GRK5: variants seen among roughly 807,000 people sequenced by gnomAD.
The protein encoded by GRK5 is G protein-coupled receptor kinase 5, also known as g protein-coupled receptor kinase GRK5.
A neutral mutation model predicts 78.4 loss-of-function variants in GRK5; 40 were observed. The observed-to-expected ratio is 0.51, with a 90% confidence interval of 0.40 to 0.66. GRK5 has a LOEUF of 0.66. Among genes scored for constraint, GRK5 ranks in the 30% least tolerant of loss-of-function variants. The pLI is 0.00. For missense variants in GRK5, 598 were observed against 759.9 expected (o/e 0.79, Z 2.50); for synonymous variants, 289 against 296.8 (o/e 0.97, Z 0.27).
chr10:119,385,736 G>T (rs1490690605), intron 3 of GRK5, among the ~76,000 whole-genome samples: 1 of 152,164 alleles, frequency 6.6e-6, no homozygotes, highest in African/African-American at 2.4e-5. Flanking sequence ...ACCTTGTGGG[G>T]AAAATCAAGA....
intron 1 of GRK5, among the ~76,000 whole-genome samples, chr10:119,287,973 C>T (rs1186223285): frequency 6.6e-6 from 1 of 152,226 alleles, no homozygotes; most frequent in South Asian, 2.1e-4. Context: ...TGGGTTCATC[C>T]TAACCCTTTG....
At chr10:119,365,545 C>T (rs190061714) in intron 2 of GRK5, among the ~76,000 whole-genome samples, 3 of 152,124 alleles carry the variant, frequency 2.0e-5, no homozygotes, top group Admixed American at 2.0e-4. Context: ...TGGGACCCTT[C>T]GGTGAGGGTC....
chr10:119,228,377 G>GC (rs755748259), intron 1 of GRK5, among the ~76,000 whole-genome samples: 27 of 143,776 alleles, frequency 1.9e-4, no homozygotes, highest in South Asian at 6.7e-4. Context: ...AAACCAACCC[G>GC]CCCCCCCGCA....
At chr10:119,343,546 G>T (rs780701757) in intron 2 of GRK5, among the ~76,000 whole-genome samples, 1 of 152,248 alleles carries the variant, frequency 6.6e-6, no homozygotes, top group Non-Finnish European at 1.5e-5. Context: ...CTGAGTCGAG[G>T]CCATGCTGGC....
intron 2 of GRK5, among the ~76,000 whole-genome samples, chr10:119,329,598 C>T (rs973995954): frequency 7.9e-5 from 12 of 152,168 alleles, no homozygotes; most frequent in East Asian, 1.9e-4. Context: ...GGCGTGGTGG[C>T]GCATGCCTGT....
intron 2 of GRK5, among the ~76,000 whole-genome samples, chr10:119,350,829 T>A (rs1329263686): frequency 1.3e-5 from 2 of 152,220 alleles, no homozygotes; most frequent in Non-Finnish European, 2.9e-5. Context: ...TGATAGAACA[T>A]GCACGCAGCA....
At chr10:119,300,299 G>T (rs931996794) in intron 1 of GRK5, among the ~76,000 whole-genome samples, 4 of 152,108 alleles carry the variant, frequency 2.6e-5, no homozygotes, top group Non-Finnish European at 5.9e-5. Flanking sequence ...TGCAAAATTG[G>T]GTTTATTTGC....
intron 1 of GRK5, among the ~76,000 whole-genome samples, chr10:119,221,436 A>G (rs1407434050): frequency 6.6e-6 from 1 of 152,222 alleles, no homozygotes; most frequent in African/African-American, 2.4e-5. Flanking sequence ...GGTGTCAGGA[A>G]AAATTGTGAA....
intron 1 of GRK5, 141 bp from the exon 2 acceptor site, chr10:119,326,375 C>G (rs1438377403): frequency 3.0e-6 from 2 of 668,338 alleles, no homozygotes; most frequent in Admixed American, 2.2e-5. Context: ...TTGTGTGTGT[C>G]TTGGGCTGGG....
intron 1 of GRK5, among the ~76,000 whole-genome samples, chr10:119,275,314 A>G (rs1849650245): frequency 6.6e-6 from 1 of 152,136 alleles, no homozygotes; most frequent in Non-Finnish European, 1.5e-5. Flanking sequence ...TAGAAATGGG[A>G]TCAGGTCTCC....
chr10:119,233,049 C>T (rs1461643857), intron 1 of GRK5, among the ~76,000 whole-genome samples: 2 of 152,184 alleles, frequency 1.3e-5, no homozygotes, highest in Non-Finnish European at 2.9e-5. Flanking sequence ...AAGGTGTCAG[C>T]TTGGTCTGGG....
intron 1 of GRK5, among the ~76,000 whole-genome samples, chr10:119,279,254 A>G (rs1403263053): frequency 6.6e-6 from 1 of 152,040 alleles, no homozygotes; most frequent in South Asian, 2.1e-4. Flanking sequence ...TTTTTGCATG[A>G]TCTCCTCTTT....
chr10:119,307,761 G>A (rs1157536865), intron 1 of GRK5, among the ~76,000 whole-genome samples: 2 of 68,312 alleles, frequency 2.9e-5, no homozygotes, highest in African/African-American at 6.0e-5. Flanking sequence ...CTCTACTCTG[G>A]TCTCCTGGTG....
chr10:119,291,370 C>G (rs1397746396), intron 1 of GRK5, among the ~76,000 whole-genome samples: 1 of 152,256 alleles, frequency 6.6e-6, no homozygotes, highest in Non-Finnish European at 1.5e-5. Context: ...AAAAACAGGT[C>G]TGGGTGCAGG....
At chr10:119,318,136 G>A (rs186358530) in intron 1 of GRK5, among the ~76,000 whole-genome samples, 1 of 152,136 alleles carries the variant, frequency 6.6e-6, no homozygotes, top group Non-Finnish European at 1.5e-5. Context: ...TTCCCCCGTG[G>A]AACCTTTCTC....
intron 1 of GRK5, among the ~76,000 whole-genome samples, chr10:119,235,016 C>T (rs1185736128): frequency 1.3e-5 from 2 of 152,084 alleles, no homozygotes; most frequent in African/African-American, 4.8e-5. Context: ...ACTCTGTTGC[C>T]CAGGCTGGAG....
chr10:119,411,977 C>A (rs1323599340), intron 4 of GRK5, among the ~76,000 whole-genome samples: 2 of 151,452 alleles, frequency 1.3e-5, no homozygotes, highest in Non-Finnish European at 1.5e-5. Flanking sequence ...CAGCCTCCTG[C>A]ATAGCTGGGA....
At chr10:119,250,497 C>A (rs1390802429) in intron 1 of GRK5, among the ~76,000 whole-genome samples, 1 of 151,068 alleles carries the variant, frequency 6.6e-6, no homozygotes, top group Admixed American at 6.7e-5. Flanking sequence ...AGGCTCCAGG[C>A]ATCCTACAGC....
chr10:119,435,396 T>C (rs950636065), intron 8 of GRK5, among the ~76,000 whole-genome samples: 1 of 152,246 alleles, frequency 6.6e-6, no homozygotes, highest in South Asian at 2.1e-4. Context: ...TAACAGCACC[T>C]ATGTCACCCC....
Sources: gnomAD v4.1 joint callset for allele counts (sites outside exome capture counted in the v4.1 genomes callset) on GRCh38, gnomAD v4.1.1 for gene constraint, MANE v1.5 for transcripts, NCBI Gene and HGNC (gene_info 2026-07-23, HGNC 2026-07-21) for gene names.